Variants in VPS41 observed in about 807,000 individuals in gnomAD.
VPS41 encodes vacuolar protein sorting-associated protein 41 homolog.
Under a neutral mutation model 130.9 loss-of-function variants are expected in VPS41, and 85 were observed. That is an observed-to-expected ratio of 0.65 (90% CI 0.55 to 0.78). The LOEUF (loss-of-function observed/expected upper bound fraction) is 0.78, where lower values mean the gene tolerates loss of function less well. VPS41 is among the 30% of genes least tolerant of loss of function. VPS41 has a pLI of 0.00. For missense variants in VPS41, 874 were observed against 1,018.7 expected (o/e 0.86, Z 1.93); for synonymous variants, 335 against 332.9 (o/e 1.01, Z -0.07).
intron 2 of VPS41, among the ~76,000 whole-genome samples, chr7:38,874,566 T>C (rs1010537697): frequency 2.6e-5 from 4 of 152,196 alleles, no homozygotes; most frequent in African/African-American, 4.8e-5. Flanking sequence ...GTTGGTTTCA[T>C]GTCATCAACT....
Position 38,776,800 on chromosome 7 carries a change from G to C in VPS41, c.785-24C>G, listed in dbSNP as rs767255226. The stretch of plus-strand genomic sequence containing the variant: ...CACTGCAAACAAAAGGGATACAGGA[G>C]TCATCATCAACAGGGGCAAACAGCA... On this transcript the variant is annotated intron_variant, in intron 10 of 28. Transcript: ENST00000310301. 9 of 1,402,548 alleles carry C rather than the reference G, an allele frequency of 6.4e-6. No homozygotes were observed. The Admixed American group carries it at 1.3e-4, about 21-fold the overall frequency. The allele number at this position is 1,402,548 out of a possible 1,614,324, so 86.9% of individuals were successfully genotyped here.
At chr7:38,860,697 T>TTGTGTGTGTG (rs59007809) in intron 4 of VPS41, among the ~76,000 whole-genome samples, 74 of 143,494 alleles carry the variant, frequency 5.2e-4, no homozygotes, top group African/African-American at 1.8e-3. Flanking sequence ...AACAATCTGT[T>TTGTGTGTGTG]TGTGTGTGTG....
intron 2 of VPS41, among the ~76,000 whole-genome samples, chr7:38,874,156 T>A (rs1418506977): frequency 6.6e-6 from 1 of 152,194 alleles, no homozygotes; most frequent in Non-Finnish European, 1.5e-5. Flanking sequence ...TCACATATAT[T>A]GGTACATTTT....
intron 3 of VPS41, among the ~76,000 whole-genome samples, chr7:38,868,063 G>T (rs1786266562): frequency 6.6e-6 from 1 of 152,174 alleles, no homozygotes; most frequent in South Asian, 2.1e-4. Context: ...TGTCACAGAG[G>T]CTAAGATCCT....
Position 38,862,526 on chromosome 7 carries a change from T to A in VPS41, c.246+19A>T. ...AACATGAAGTTTAGCTCATACATTA[T>A]TTTATACAGAATACTTACTACATCA... is the stretch of plus-strand genomic sequence containing the variant. On this transcript the variant is annotated intron_variant, in intron 4 of 28. Coordinates refer to ENST00000310301, the MANE Select transcript of VPS41 (RefSeq NM_014396.4). 6.8e-7 allele frequency: 1 copy of A among 1,480,188 alleles called. No individual in the cohort carries two copies. The highest frequency in any genetic ancestry group is 9.3e-7 in the Non-Finnish European group (1 of 1,070,860). 91.7% of individuals were successfully genotyped at this position (1,480,188 alleles called of 1,614,324 possible).
Position 38,901,393 on chromosome 7 carries a change from CG to C in VPS41, c.22-3265del, listed in dbSNP as rs150007812. 2.4e-3 allele frequency among the ~76,000 whole-genome samples: 360 copies of C among 152,240 alleles called. 1 individual carries two copies. Among genetic ancestry groups the C allele is most frequent in the Non-Finnish European group, 3.7e-3 (252 of 68,022 alleles). ...GGTTCTGCAGTCTGTACCAGAAGCA[CG>C]GCACCAGCATCTGCTTCTGATGAGG... On this transcript the variant is annotated intron_variant, in intron 1 of 28. Transcript: ENST00000310301.
intron 12 of VPS41, among the ~76,000 whole-genome samples, chr7:38,772,982 C>A (rs1784184679): frequency 6.6e-6 from 1 of 152,084 alleles, no homozygotes; most frequent in African/African-American, 2.4e-5. Flanking sequence ...ACTCTGACTT[C>A]AGCTGAAAAA....
At chr7:38,795,008 T>C (rs1316413529) in intron 9 of VPS41, among the ~76,000 whole-genome samples, 1 of 152,174 alleles carries the variant, frequency 6.6e-6, no homozygotes, top group Non-Finnish European at 1.5e-5. Context: ...TCTGGGTCTC[T>C]ACTCTATCAA....
At chr7:38,751,871 T>G (rs948871920) in intron 22 of VPS41, among the ~76,000 whole-genome samples, 1 of 152,198 alleles carries the variant, frequency 6.6e-6, no homozygotes, top group Non-Finnish European at 1.5e-5. Flanking sequence ...TCCTGGGAGA[T>G]GGACTGAGAC....
At chr7:38,797,922 A>T (rs1454010119) in intron 7 of VPS41, among the ~76,000 whole-genome samples, 1 of 152,228 alleles carries the variant, frequency 6.6e-6, no homozygotes, top group Non-Finnish European at 1.5e-5. Flanking sequence ...AAGTACAGTT[A>T]CTTTAAAATG....
chr7:38,752,032 A>G, intron 22 of VPS41, 144 bp downstream of exon 22: 4 of 1,245,390 alleles, frequency 3.2e-6, no homozygotes, highest in Non-Finnish European at 4.5e-6. Context: ...TGTCCCAGCC[A>G]AAAACCTACT....
At chr7:38,891,397 A>C (rs1786864044) in intron 2 of VPS41, among the ~76,000 whole-genome samples, 1 of 152,188 alleles carries the variant, frequency 6.6e-6, no homozygotes, top group Admixed American at 6.5e-5. Flanking sequence ...TCCTTTGTTT[A>C]TATATGGATT....
At chr7:38,850,526 GA>G (rs1404737444) in intron 4 of VPS41, among the ~76,000 whole-genome samples, 1 of 152,000 alleles carries the variant, frequency 6.6e-6, no homozygotes, top group East Asian at 1.9e-4. Flanking sequence ...ACAAGCAAAT[GA>G]AAAAAATTTC....
chr7:38,762,468 G>A (rs973605214), intron 17 of VPS41, among the ~76,000 whole-genome samples: 2 of 152,130 alleles, frequency 1.3e-5, no homozygotes, highest in African/African-American at 4.8e-5. Flanking sequence ...CAAAGCTACA[G>A]GCATATGACT....
chr7:38,805,968 C>T (rs1278104457), intron 7 of VPS41, among the ~76,000 whole-genome samples: 1 of 152,130 alleles, frequency 6.6e-6, no homozygotes, highest in Non-Finnish European at 1.5e-5. Context: ...GTCCTGGCTT[C>T]TATGGTAATA....
At chr7:38,756,665 G>A (rs1414502311) in intron 19 of VPS41, among the ~76,000 whole-genome samples, 173 bp downstream of exon 19, 2 of 152,190 alleles carry the variant, frequency 1.3e-5, no homozygotes, top group East Asian at 3.8e-4. Flanking sequence ...ATTCCTGAAT[G>A]CCAAACAACT....
chr7:38,736,323 G>T (rs10247503), intron 25 of VPS41, among the ~76,000 whole-genome samples: 98,342 of 152,118 alleles, frequency 0.65, 33,045 homozygotes, highest in Admixed American at 0.78. Context: ...TCTGGGCTGG[G>T]TGCCTGAAAC....
At chr7:38,770,833 T>C (rs920684759) in intron 14 of VPS41, among the ~76,000 whole-genome samples, 3 of 152,362 alleles carry the variant, frequency 2.0e-5, no homozygotes, top group Admixed American at 6.5e-5. Context: ...TCTGTTATTA[T>C]GGAAACACCA....
intron 2 of VPS41, among the ~76,000 whole-genome samples, chr7:38,881,123 G>A (rs1294796817): frequency 2.6e-5 from 4 of 152,130 alleles, no homozygotes; most frequent in African/African-American, 4.8e-5. Flanking sequence ...ATTTGTTGTC[G>A]TACAGTGCTG....
Sources: allele counts gnomAD v4.1 joint callset (sites outside exome capture counted in the v4.1 genomes callset), GRCh38; gene constraint gnomAD v4.1.1; transcripts MANE v1.5; gene names NCBI Gene and HGNC (gene_info 2026-07-23, HGNC 2026-07-21).